Variants in SF3A2 observed in about 807,000 individuals in gnomAD.
SF3A2 encodes splicing factor 3a subunit 2.
In SF3A2, 5 loss-of-function variants were observed where a neutral mutation model predicts 31.1. That is an observed-to-expected ratio of 0.16 (90% CI 0.08 to 0.34). The LOEUF is 0.34. Among genes scored for constraint, SF3A2 ranks in the 10% least tolerant of loss-of-function variants. The pLI is 1.00. For missense variants in SF3A2, 577 were observed against 643.9 expected (o/e 0.90, Z 1.13); for synonymous variants, 365 against 263.7 (o/e 1.38, Z -3.72).
chr19:2,244,983 G>A (rs901706151), intron 4 of SF3A2: 3 of 591,586 alleles, frequency 5.1e-6, no homozygotes, highest in South Asian at 2.0e-5. Context: ...TCAGGAGTTC[G>A]AGACCAGCCT....
chr19:2,241,695 C>T (rs764158057), intron 1 of SF3A2, among the ~76,000 whole-genome samples: 11 of 152,154 alleles, frequency 7.2e-5, no homozygotes, highest in Non-Finnish European at 1.2e-4. Context: ...AAGCCCGAGG[C>T]GGGGAGGGTT....
chr19:2,244,847 C>T lies in SF3A2; in HGVS notation c.245+68C>T, dbSNP rs375959565. ...CGTTGGCTCAAGTCTCTGTGAGCCT[C>T]GCGGGCCACTGCTCCACAGCCGGGG... On this transcript the variant is annotated intron_variant, in intron 4 of 8. Coordinates refer to ENST00000221494, the MANE Select transcript of SF3A2 (RefSeq NM_007165.5). The T allele has an allele frequency of 1.3e-4, 188 of 1,449,348 alleles. 1 individual carries two copies. The highest frequency in any genetic ancestry group is 1.7e-4 in the Middle Eastern group (1 of 5,752). 89.8% of individuals were successfully genotyped at this position (1,449,348 alleles called of 1,614,324 possible). A position where few individuals can be genotyped will look rare whatever the true frequency, so the allele number is the denominator to read the frequency against.
chr19:2,244,403 C>T, intron 2 of SF3A2, 141 bp from the exon 3 acceptor site: 2 of 676,422 alleles, frequency 3.0e-6, no homozygotes, highest in Non-Finnish European at 5.1e-6. Context: ...AAATGCTTGA[C>T]CACTGTCAGC....
At chr19:2,242,243 C>T (rs1227426096) in intron 1 of SF3A2, among the ~76,000 whole-genome samples, 2 of 152,262 alleles carry the variant, frequency 1.3e-5, no homozygotes, top group East Asian at 1.9e-4. Flanking sequence ...TGACACATCA[C>T]TGCAGACGCA....
At chr19:2,239,012 C>T (rs981248776) in intron 1 of SF3A2, among the ~76,000 whole-genome samples, 4 of 152,080 alleles carry the variant, frequency 2.6e-5, no homozygotes, top group African/African-American at 7.2e-5. Context: ...TGTCTGAAAA[C>T]GAGTTTATTT....
At position 2,248,183 on chromosome 19, in the gene SF3A2, C is replaced by A; in HGVS notation, c.1032C>A (p.His344Gln). 1.4e-6 allele frequency: 2 copies of A among 1,448,646 alleles called. No individual in the cohort carries two copies. The highest frequency in any genetic ancestry group is 1.9e-6 in the Non-Finnish European group (2 of 1,072,558). The allele number at this position is 1,448,646 out of a possible 1,614,324, so 89.7% of individuals were successfully genotyped here. ...TCCACCCTCCAGCCCCCGGGGTTCA[C>A]CCACCAGCCCCCGGAGTCCACCCAC... ...PGVHPPAPGV[H>Q]PPAPGVHPPA... Residue 344 changes from histidine (H) to glutamine (Q), a missense_variant, in exon 9 of 9, where the codon CAC becomes CAA. Physicochemically the swap from His to Gln is conservative, Grantham distance 24. Around this residue, in one of 6 missense-constraint regions of SF3A2, gnomAD observed 462 missense variants for 339.1 expected, o/e 1.36. Transcript: ENST00000221494.
At chr19:2,247,114 T>C in intron 7 of SF3A2, 92 bp downstream of exon 7, 3 of 1,532,408 alleles carry the variant, frequency 2.0e-6, no homozygotes, top group Non-Finnish European at 1.7e-6. Flanking sequence ...CCCATCGGGC[T>C]TGGGGTCCCC....
Position 2,245,608 on chromosome 19 carries a change from GT to G in SF3A2, c.355+55del. On this transcript the variant is annotated intron_variant, in intron 5 of 8. Coordinates refer to ENST00000221494, the MANE Select transcript of SF3A2 (RefSeq NM_007165.5). The surrounding 1 kb of genome is among the most constrained non-coding windows in gnomAD (Gnocchi z 4.2). ...ACAGCCGCTGCCGTGACATAAGTGT[GT>G]TCTTTAGTCTCCAGTGCGGGAGGTG... is the stretch of plus-strand genomic sequence containing the variant. 7.6e-7 allele frequency: 1 copy of G among 1,317,234 alleles called. No homozygotes were observed. Among genetic ancestry groups the G allele is most frequent in the Non-Finnish European group, 1.1e-6 (1 of 933,840 alleles). 81.6% of individuals were successfully genotyped at this position (1,317,234 alleles called of 1,614,324 possible).
rs1043402014 is a variant in SF3A2 at position 2,245,518 on chromosome 19, G to A, written c.318G>A (p.Val106=). The part of the protein sequence containing the change: ...QPAPEKVKVE[V]KKFVKIGRPG... ...CGCCTGAGAAGGTCAAGGTGGAGGT[G>A]AAGAAGTTTGTGAAGATCGGCCGCC... The change falls in exon 5 of 9, where the codon GTG becomes GTA. Residue 106 remains valine, a synonymous_variant. Coordinates refer to ENST00000221494, the MANE Select transcript of SF3A2 (RefSeq NM_007165.5). The surrounding 1 kb of genome is among the most constrained non-coding windows in gnomAD (Gnocchi z 4.2). The A allele has an allele frequency of 3.2e-6, 5 of 1,551,096 alleles. No individual in the cohort carries two copies. Among genetic ancestry groups the A allele is most frequent in the African/African-American group, 2.7e-5 (2 of 73,068 alleles).
chr19:2,240,906 C>T lies in SF3A2; in HGVS notation c.-37-2476C>T, dbSNP rs78342093. On this transcript the variant is annotated intron_variant, in intron 1 of 8. Coordinates refer to ENST00000221494, the MANE Select transcript of SF3A2 (RefSeq NM_007165.5). Reference sequence around the variant, plus strand: ...CCGCATGGAGGAGCAAAGCGCAGGTCGCTCCTGAGGCTGAGCTCCGCTCCT... The same window carrying T: ...CCGCATGGAGGAGCAAAGCGCAGGTTGCTCCTGAGGCTGAGCTCCGCTCCT... Among the ~76,000 whole-genome samples, 561 of 152,342 alleles carry T rather than the reference C, an allele frequency of 3.7e-3. 3 individuals carry two copies. Among genetic ancestry groups the T allele is most frequent in the African/African-American group, 0.013 (525 of 41,578 alleles).
rs1208263909 is a variant in SF3A2, at chr19:2,242,165, G to A, written c.-37-1217G>A. ...CCGCCACTGTGGCCTGTCCCTCAGC[G>A]TGCCCCTGCACACCTGCGGCCACTG... On this transcript the variant is annotated intron_variant, in intron 1 of 8. Transcript: ENST00000221494. Among the ~76,000 whole-genome samples the A allele has an allele frequency of 6.0e-5, 9 of 150,722 alleles. 1 individual carries two copies. In the South Asian group the frequency reaches 1.9e-3, roughly 32 times the overall value.
At chr19:2,238,891 C>T (rs2024864342) in intron 1 of SF3A2, among the ~76,000 whole-genome samples, 1 of 152,208 alleles carries the variant, frequency 6.6e-6, no homozygotes. Context: ...CCTGTGCTGA[C>T]CTCTGTTTCC....
At chr19:2,239,721 T>C (rs2024872560) in intron 1 of SF3A2, among the ~76,000 whole-genome samples, 1 of 152,218 alleles carries the variant, frequency 6.6e-6, no homozygotes, top group African/African-American at 2.4e-5. Context: ...CAGTTCTCAC[T>C]CTGGAATGTC....
Position 2,248,042 on chromosome 19 carries a change from T to C in SF3A2, c.891T>C (p.Pro297=). The change falls in exon 9 of 9, where the codon CCT becomes CCC. Residue 297 remains proline (P), a synonymous_variant. Coordinates refer to ENST00000221494, the MANE Select transcript of SF3A2 (RefSeq NM_007165.5). ...VHPPAPVVHP[P]ASGVHPPAPG... ...CCCCGGCCCCAGTGGTGCATCCCCC[T>C]GCATCTGGGGTCCATCCCCCAGCTC... The C allele has an allele frequency of 3.8e-6, 3 of 791,196 alleles. No individual in the cohort carries two copies. The highest frequency in any genetic ancestry group is 3.0e-5 in the South Asian group (2 of 66,470). 49.0% of individuals were successfully genotyped at this position (791,196 alleles called of 1,614,324 possible). A position where few individuals can be genotyped will look rare whatever the true frequency, so the allele number is the denominator to read the frequency against.
chr19:2,237,374 T>A (rs2024835782), intron 1 of SF3A2: 1 of 137,098 alleles, frequency 7.3e-6, no homozygotes, highest in African/African-American at 2.8e-5. Context: ...ACCACTGCAC[T>A]CCAGCCTGGG....
intron 1 of SF3A2, among the ~76,000 whole-genome samples, chr19:2,237,139 C>T (rs2024831515): frequency 6.6e-6 from 1 of 151,958 alleles, no homozygotes; most frequent in Non-Finnish European, 1.5e-5. Context: ...GTTGGGAGGC[C>T]GCGCGCGGGG....
chr19:2,238,243 C>G (rs536432574), intron 1 of SF3A2, among the ~76,000 whole-genome samples: 1 of 152,152 alleles, frequency 6.6e-6, no homozygotes, highest in Non-Finnish European at 1.5e-5. Flanking sequence ...AGGCTGGTCT[C>G]GAACTCCTGA....
At position 2,246,962 on chromosome 19, in the gene SF3A2, G is replaced by A. The variant is rs2024940041; in HGVS notation, c.486G>A (p.Pro162=). ...CGTACGAGCAGAGGATCGAGCCTCCGGACCGGCGCTGGCAGTACCTGCTCA... is the reference window on the plus strand; with the variant it reads ...CGTACGAGCAGAGGATCGAGCCTCCAGACCGGCGCTGGCAGTACCTGCTCA... ...MSAYEQRIEP[P]DRRWQYLLMA... The change falls in exon 7 of 9, where the codon CCG becomes CCA. Residue 162 remains proline (P), a synonymous_variant. Transcript: ENST00000221494. This position sits in a 1 kb window ranked among gnomAD's most constrained non-coding sequence, Gnocchi z 5.5. 1.1e-5 allele frequency: 18 copies of A among 1,607,912 alleles called. No homozygotes were observed. The highest frequency in any genetic ancestry group is 6.6e-5 in the South Asian group (6 of 90,666).
intron 1 of SF3A2, among the ~76,000 whole-genome samples, chr19:2,242,904 C>T (rs936559678): frequency 1.3e-5 from 2 of 152,144 alleles, no homozygotes; most frequent in African/African-American, 2.4e-5. Context: ...AAATTTACAT[C>T]GAGCCCAAGA....
Sources: allele counts gnomAD v4.1 joint callset (sites outside exome capture counted in the v4.1 genomes callset), GRCh38; gene constraint gnomAD v4.1.1; regional missense constraint gnomAD v4.1.1; non-coding constraint Gnocchi (gnomAD v3.1); transcripts MANE v1.5; gene names NCBI Gene and HGNC (gene_info 2026-07-23, HGNC 2026-07-21).